The following COL5A1 variants were observed in gnomAD, a reference collection of about 807,000 sequenced individuals.
COL5A1 encodes the protein collagen type V alpha 1 chain, also known as collagen alpha-1(V) chain.
A neutral mutation model predicts 263.7 loss-of-function variants in COL5A1; 16 were observed. The observed-to-expected ratio is 0.06, with a 90% confidence interval of 0.04 to 0.09. COL5A1 has a LOEUF of 0.09. Among genes scored for constraint, COL5A1 ranks in the 10% least tolerant of loss-of-function variants. The probability of loss-of-function intolerance (pLI) is 1.00; values close to 1 mark genes in which losing one functional copy is unlikely to be tolerated. For missense variants in COL5A1, 2,036 were observed against 2,540.5 expected (o/e 0.80, Z 4.27); for synonymous variants, 1,012 against 1,004.5 (o/e 1.01, Z -0.14).
rs116771553 is a variant in COL5A1, at chr9:134,769,251, A to G, written c.2286+788A>G. Among the ~76,000 whole-genome samples the G allele has an allele frequency of 4.3e-3, 652 of 152,340 alleles. 4 individuals carry two copies. Among genetic ancestry groups the G allele is most frequent in the Middle Eastern group, 0.017 (5 of 294 alleles). ...ATGATTATCGGTGACTGCTCACCAC[A>G]CAGCATCCCTCAGGCCGAGTCAGTT... On this transcript the variant is annotated intron_variant, in intron 25 of 65. Transcript: ENST00000371817.
At position 134,765,265 on chromosome 9, in the gene COL5A1, C is replaced by T. The variant is rs11103516; in HGVS notation, c.2035-416C>T. Reference sequence around the variant, plus strand: ...ATATCATAAAAACAATCGTATGTCGCTGCGGAGGGGAATTCAGGAGCGAGC... The same window carrying T: ...ATATCATAAAAACAATCGTATGTCGTTGCGGAGGGGAATTCAGGAGCGAGC... On this transcript the variant is annotated intron_variant, in intron 20 of 65. Transcript: ENST00000371817. The surrounding 1 kb of genome is among the most constrained non-coding windows in gnomAD (Gnocchi z 5.1). Among the ~76,000 whole-genome samples the T allele has an allele frequency of 0.04, 6,022 of 152,230 alleles. 156 individuals carry two copies. Among genetic ancestry groups the T allele is most frequent in the Non-Finnish European group, 0.059 (3,987 of 67,994 alleles).
rs1836013479 is a variant in COL5A1 at position 134,757,275 on chromosome 9, T to C, written c.1881+457T>C. Reference sequence around the variant, plus strand: ...GCACCAGGCATGCACCAGCTGTTGCTGTCGCCACTCATGCCTGCCCGCTGC... The same window carrying C: ...GCACCAGGCATGCACCAGCTGTTGCCGTCGCCACTCATGCCTGCCCGCTGC... On this transcript the variant is annotated intron_variant, in intron 17 of 65. Transcript: ENST00000371817. This position sits in a 1 kb window ranked among gnomAD's most constrained non-coding sequence, Gnocchi z 6.2. Among the ~76,000 whole-genome samples, 1 of 152,152 alleles carries C rather than the reference T, an allele frequency of 6.6e-6. No homozygotes were observed. The highest frequency in any genetic ancestry group is 1.5e-5 in the Non-Finnish European group (1 of 68,024).
intron 52 of COL5A1, 51 bp from the exon 53 acceptor site, chr9:134,816,975 G>A (rs1247585103): frequency 1.3e-6 from 2 of 1,543,408 alleles, no homozygotes; most frequent in East Asian, 2.2e-5. Flanking sequence ...TGCCTCAATT[G>A]AGTCTAACGG....
chr9:134,838,113 G>T (rs975726596), intron 65 of COL5A1, among the ~76,000 whole-genome samples: 1 of 152,160 alleles, frequency 6.6e-6, no homozygotes, highest in Non-Finnish European at 1.5e-5. Flanking sequence ...GGTCCCGTCA[G>T]CCATGCAGAG....
At chr9:134,701,430 C>T (rs749037242) in intron 4 of COL5A1, 97 bp downstream of exon 4, 89 of 1,246,366 alleles carry the variant, frequency 7.1e-5, no homozygotes, top group Non-Finnish European at 9.2e-5. Flanking sequence ...GGGCCGGGAC[C>T]GGCTGGCGGT....
chr9:134,668,954 C>CCCATCCATCCATCCAT lies in COL5A1; in HGVS notation c.110-21938_110-21923dup, dbSNP rs760262319. Among the ~76,000 whole-genome samples the CCCATCCATCCATCCAT allele has an allele frequency of 5.8e-3, 638 of 110,492 alleles. 16 individuals are homozygous for CCCATCCATCCATCCAT. The highest frequency in any genetic ancestry group is 0.018 in the African/African-American group (489 of 27,342). The allele number at this position is 110,492 out of a possible 152,430, so 72.5% of individuals were successfully genotyped here. The stretch of plus-strand genomic sequence containing the variant: ...AATCATCCATCCTTCCACCCACCCA[C>CCCATCCATCCATCCAT]CCATCCATCCATCCATCCATCCATC... On this transcript the variant is annotated intron_variant, in intron 1 of 65. Transcript: ENST00000371817.
chr9:134,792,835 GTGTA>G (rs573371095), intron 32 of COL5A1, among the ~76,000 whole-genome samples: 157 of 151,264 alleles, frequency 1.0e-3, no homozygotes, highest in African/African-American at 2.3e-3. Context: ...GTGTATGCAT[GTGTA>G]TGTGTGTGTG....
At chr9:134,685,193 T>C (rs199914039) in intron 1 of COL5A1, among the ~76,000 whole-genome samples, 157 of 1,366 alleles carry the variant, frequency 0.11, no homozygotes, top group Middle Eastern at 0.5. Context: ...TCCTTCCATC[T>C]GTCCATCCAT....
intron 4 of COL5A1, among the ~76,000 whole-genome samples, chr9:134,727,046 C>CGGATGGATGGAT (rs71381829): frequency 3.9e-5 from 4 of 103,210 alleles, no homozygotes; most frequent in East Asian, 2.8e-4. Context: ...GATGAGTGAA[C>CGGATGGATGGAT]GGATGGATGG....
At chr9:134,728,507 C>G (rs1172726938) in intron 5 of COL5A1, among the ~76,000 whole-genome samples, 163 bp from the exon 6 acceptor site, 1 of 152,208 alleles carries the variant, frequency 6.6e-6, no homozygotes, top group Non-Finnish European at 1.5e-5. Flanking sequence ...TTCCAAGGAG[C>G]TGGAGAGGGA....
At chr9:134,760,248 CCA>C (rs1188017002) in intron 18 of COL5A1, among the ~76,000 whole-genome samples, 271 of 103,888 alleles carry the variant, frequency 2.6e-3, no homozygotes, top group African/African-American at 7.1e-3. Context: ...GCATACACAC[CCA>C]CACACCCCAC....
intron 18 of COL5A1, among the ~76,000 whole-genome samples, chr9:134,761,652 C>T (rs1211919566): frequency 6.6e-6 from 1 of 152,226 alleles, no homozygotes; most frequent in African/African-American, 2.4e-5. Context: ...TGAGGCTGCC[C>T]ACATGTGTGG....
rs77928388 is a variant in COL5A1, at chr9:134,779,928, C to T, written c.2386-174C>T. Reference sequence around the variant, plus strand: ...GGAGTCAGCCCAGGAATTGTGGACACGCTGGGCCTCCTGAGGCCACAGGGG... The same window carrying T: ...GGAGTCAGCCCAGGAATTGTGGACATGCTGGGCCTCCTGAGGCCACAGGGG... On this transcript the variant is annotated intron_variant, in intron 27 of 65. Transcript: ENST00000371817. Among the ~76,000 whole-genome samples, 3,656 of 152,170 alleles carry T rather than the reference C, an allele frequency of 0.024. 134 individuals are homozygous for T. Among genetic ancestry groups the T allele is most frequent in the African/African-American group, 0.074 (3,074 of 41,494 alleles).
rs895013407 is a variant in COL5A1, at chr9:134,719,327, C to T, written c.655-7939C>T. On this transcript the variant is annotated intron_variant, in intron 4 of 65. Coordinates refer to ENST00000371817, the MANE Select transcript of COL5A1 (RefSeq NM_000093.5). ...AGGCATGTATGTCACGCACACACAC[C>T]GCACATGTGAATGCAAAACATATGT... is the stretch of plus-strand genomic sequence containing the variant. Among the ~76,000 whole-genome samples the T allele has an allele frequency of 5.9e-5, 9 of 152,232 alleles. No homozygotes were observed. In the South Asian group the frequency reaches 6.2e-4, roughly 10 times the overall value.
Position 134,658,472 on chromosome 9 carries a change from C to T in COL5A1, c.109+16176C>T, listed in dbSNP as rs532377756. ...GCCCCCGCCCCTGCACGTCCCCCCG[C>T]CCCTGCTGGGCCTGTCCTTGCACGC... On this transcript the variant is annotated intron_variant, in intron 1 of 65. Transcript: ENST00000371817. Among the ~76,000 whole-genome samples, 3 of 152,332 alleles carry T rather than the reference C, an allele frequency of 2.0e-5. No individual in the cohort carries two copies. In the East Asian group the frequency reaches 5.8e-4, roughly 29 times the overall value.
At chr9:134,830,639 C>A (rs540048852) in intron 64 of COL5A1, among the ~76,000 whole-genome samples, 24 of 152,336 alleles carry the variant, frequency 1.6e-4, no homozygotes, top group Non-Finnish European at 2.9e-5. Context: ...GGGCTGAGGG[C>A]TGTCTCTCTG....
At position 134,829,880 on chromosome 9, in the gene COL5A1, G is replaced by A. The variant is rs112225289; in HGVS notation, c.5068-96G>A. 3,175 of 1,382,264 alleles carry A rather than the reference G, an allele frequency of 2.3e-3. 55 individuals are homozygous for A. The African/African-American group carries it at 0.036, about 16-fold the overall frequency. 85.6% of individuals were successfully genotyped at this position (1,382,264 alleles called of 1,614,324 possible). A position where few individuals can be genotyped will look rare whatever the true frequency, so the allele number is the denominator to read the frequency against. ...CCCCCCGGCGTGAGGATGCAGGCGC[G>A]GGGGCCGGGAAAGCCTGGGGCCTTG... On this transcript the variant is annotated intron_variant, in intron 63 of 65. Coordinates refer to ENST00000371817, the MANE Select transcript of COL5A1 (RefSeq NM_000093.5).
At chr9:134,780,746 G>A (rs1837221276) in intron 28 of COL5A1, among the ~76,000 whole-genome samples, 1 of 152,204 alleles carries the variant, frequency 6.6e-6, no homozygotes, top group South Asian at 2.1e-4. Flanking sequence ...CTGCAGCGGC[G>A]ACAGCCTGAG....
intron 57 of COL5A1, among the ~76,000 whole-genome samples, 177 bp downstream of exon 57, chr9:134,819,230 C>T (rs928482461): frequency 1.3e-5 from 2 of 152,186 alleles, no homozygotes; most frequent in African/African-American, 4.8e-5. Context: ...GTGTTTGAGG[C>T]TTGGCCCCTG....
Sources: gnomAD v4.1 joint callset for allele counts (sites outside exome capture counted in the v4.1 genomes callset) on GRCh38, gnomAD v4.1.1 for gene constraint, Gnocchi (gnomAD v3.1) non-coding constraint, MANE v1.5 for transcripts, NCBI Gene and HGNC (gene_info 2026-07-23, HGNC 2026-07-21) for gene names.